CSMD1: variants seen among roughly 807,000 people sequenced by gnomAD.
The protein encoded by CSMD1 is CUB and sushi domain-containing protein 1.
In CSMD1, 213 loss-of-function variants were observed where a neutral mutation model predicts 417.5. That is an observed-to-expected ratio of 0.51 (90% CI 0.46 to 0.57). The LOEUF (loss-of-function observed/expected upper bound fraction) is 0.57. Among genes scored for constraint, CSMD1 ranks in the 20% least tolerant of loss-of-function variants. The pLI, the probability that CSMD1 is intolerant of heterozygous loss-of-function variation, is 0.00. For missense variants in CSMD1, 6,923 were observed against 4,529.7 expected (o/e 1.53, Z -15.17); for synonymous variants, 2,862 against 1,736.8 (o/e 1.65, Z -16.11).
intron 7 of CSMD1, among the ~76,000 whole-genome samples, chr8:3,658,819 T>G (rs1247032002): frequency 2.6e-5 from 4 of 152,088 alleles, no homozygotes; most frequent in Non-Finnish European, 2.9e-5. Context: ...TCCAACAATT[T>G]TGTTTGAATT....
intron 66 of CSMD1, 67 bp downstream of exon 66, chr8:2,951,047 C>A (rs902743720): frequency 7.3e-6 from 11 of 1,508,028 alleles, no homozygotes; most frequent in Non-Finnish European, 2.7e-6. Context: ...TAGATCACCT[C>A]TCTGTGAAAA....
At chr8:3,677,660 T>C (rs1463704046) in intron 7 of CSMD1, among the ~76,000 whole-genome samples, 2 of 152,166 alleles carry the variant, frequency 1.3e-5, no homozygotes, top group Non-Finnish European at 2.9e-5. Flanking sequence ...TGAAAAGATA[T>C]CTATCCTTTA....
At chr8:4,913,671 G>A (rs909183464) in intron 1 of CSMD1, among the ~76,000 whole-genome samples, 1 of 152,184 alleles carries the variant, frequency 6.6e-6, no homozygotes, top group Non-Finnish European at 1.5e-5. Context: ...GTGCAGATTA[G>A]AATTCCATCT....
intron 3 of CSMD1, among the ~76,000 whole-genome samples, chr8:4,257,905 A>G (rs532065524): frequency 2.6e-5 from 4 of 152,232 alleles, no homozygotes; most frequent in South Asian, 2.1e-4. Flanking sequence ...CAGGCTAACA[A>G]CAACAACCAC....
chr8:4,589,875 C>G lies in CSMD1; in HGVS notation c.302+47467G>C, dbSNP rs1194384667. 2.0e-5 allele frequency among the ~76,000 whole-genome samples: 3 copies of G among 152,156 alleles called. No homozygotes were observed. In the East Asian group the frequency reaches 5.8e-4, roughly 29 times the overall value. ...ATAATTTTCAGAATCTATCAGGAGC[C>G]TGATGCCACTGAGACCTGCCTTCTG... On this transcript the variant is annotated intron_variant, in intron 2 of 69. Coordinates refer to ENST00000635120, the MANE Select transcript of CSMD1 (RefSeq NM_033225.6).
chr8:4,980,695 G>C (rs1319794540), intron 1 of CSMD1, among the ~76,000 whole-genome samples: 1 of 152,086 alleles, frequency 6.6e-6, no homozygotes, highest in Non-Finnish European at 1.5e-5. Flanking sequence ...TTGAGATCAG[G>C]AGTCCAAGAC....
Position 2,963,300 on chromosome 8 carries a change from C to T in CSMD1, c.9376G>A (p.Gly3126Ser), listed in dbSNP as rs1803666372. ...ATGGCGGAGTGAGAGAGCTGGTAAC[C>T]GTCCATGCAGCTGTAACTTATGCTG... ...GSSISYSCMD[G>S]YQLSHSAILS... Residue 3126 changes from glycine (G) to serine (S), a missense_variant, in exon 60 of 70, where the codon GGT becomes AGT. Coordinates refer to ENST00000635120, the MANE Select transcript of CSMD1 (RefSeq NM_033225.6). 1 of 1,613,910 alleles carries T rather than the reference C, an allele frequency of 6.2e-7. No individual in the cohort carries two copies. The highest frequency in any genetic ancestry group is 8.5e-7 in the Non-Finnish European group (1 of 1,179,858).
At chr8:4,940,080 A>T (rs1036014308) in intron 1 of CSMD1, among the ~76,000 whole-genome samples, 16 of 152,132 alleles carry the variant, frequency 1.1e-4, no homozygotes, top group African/African-American at 3.9e-4. Flanking sequence ...CCGGGCAGAA[A>T]AGTTGCATGT....
chr8:4,452,397 GT>G (rs1361482655), intron 2 of CSMD1, among the ~76,000 whole-genome samples: 2 of 152,194 alleles, frequency 1.3e-5, no homozygotes, highest in Non-Finnish European at 2.9e-5. Context: ...AGGGCTTGGG[GT>G]TCAGAGGTTC....
At chr8:3,033,242 A>C (rs961404553) in intron 50 of CSMD1, among the ~76,000 whole-genome samples, 14 of 152,106 alleles carry the variant, frequency 9.2e-5, no homozygotes, top group African/African-American at 3.1e-4. Flanking sequence ...ATTTAGATGC[A>C]AATTTCCTAT....
At chr8:3,123,751 G>C (rs1273305738) in intron 41 of CSMD1, among the ~76,000 whole-genome samples, 1 of 152,120 alleles carries the variant, frequency 6.6e-6, no homozygotes, top group Non-Finnish European at 1.5e-5. Context: ...TCAATTACCA[G>C]AATACAATAT....
chr8:3,608,738 T>G (rs944340764), intron 8 of CSMD1, among the ~76,000 whole-genome samples: 5 of 142,636 alleles, frequency 3.5e-5, no homozygotes, highest in African/African-American at 1.1e-4. Flanking sequence ...CACTCCAGCC[T>G]GGACAACAGA....
chr8:4,279,189 A>G (rs1188716645), intron 3 of CSMD1, among the ~76,000 whole-genome samples: 2 of 151,902 alleles, frequency 1.3e-5, no homozygotes, highest in Non-Finnish European at 2.9e-5. Context: ...CTGTCTCTGT[A>G]AACGCAGTAT....
intron 10 of CSMD1, among the ~76,000 whole-genome samples, chr8:3,497,064 G>A (rs947041053): frequency 8.5e-5 from 13 of 152,134 alleles, no homozygotes; most frequent in East Asian, 5.8e-4. Flanking sequence ...GATAACATAC[G>A]ATCAGTCCTG....
At chr8:3,265,472 G>A (rs985527195) in intron 26 of CSMD1, among the ~76,000 whole-genome samples, 2 of 152,194 alleles carry the variant, frequency 1.3e-5, no homozygotes, top group African/African-American at 2.4e-5. Flanking sequence ...AAACAGAGTG[G>A]TGTTTAACCG....
intron 2 of CSMD1, among the ~76,000 whole-genome samples, chr8:4,615,496 G>A (rs1197096567): frequency 6.6e-6 from 1 of 152,134 alleles, no homozygotes; most frequent in African/African-American, 2.4e-5. Flanking sequence ...GCTTACAAAT[G>A]TCCAAATTCT....
intron 4 of CSMD1, among the ~76,000 whole-genome samples, chr8:4,012,983 T>C (rs1796347347): frequency 1.3e-5 from 2 of 152,168 alleles, no homozygotes; most frequent in South Asian, 2.1e-4. Context: ...ATCTCTCAAG[T>C]AACAACACCT....
chr8:4,360,814 C>G (rs568993406), intron 3 of CSMD1, among the ~76,000 whole-genome samples: 3 of 151,794 alleles, frequency 2.0e-5, no homozygotes, highest in African/African-American at 7.2e-5. Flanking sequence ...CGTAATCTCA[C>G]AGTTCCTGAC....
At chr8:4,611,122 TG>T (rs769117493) in intron 2 of CSMD1, among the ~76,000 whole-genome samples, 5 of 152,054 alleles carry the variant, frequency 3.3e-5, no homozygotes, top group South Asian at 2.1e-4. Context: ...ACAGAGATAA[TG>T]GCTGTTACTG....
Sources: gnomAD v4.1 joint callset for allele counts (sites outside exome capture counted in the v4.1 genomes callset) on GRCh38, gnomAD v4.1.1 for gene constraint, MANE v1.5 for transcripts, NCBI Gene and HGNC (gene_info 2026-07-23, HGNC 2026-07-21) for gene names.